FSHR: variants seen among roughly 807,000 people sequenced by gnomAD.
FSHR encodes the protein follicle-stimulating hormone receptor.
In FSHR, 46 loss-of-function variants were observed where a neutral mutation model predicts 52.1. That is an observed-to-expected ratio of 0.88 (90% CI 0.70 to 1.13). FSHR has a LOEUF of 1.13. FSHR is among the 50% of genes most tolerant of loss of function. The probability of loss-of-function intolerance (pLI) is 0.00; values close to 1 mark genes in which losing one functional copy is unlikely to be tolerated. For synonymous variants in FSHR, 399 were observed against 309.6 expected, an observed-to-expected ratio of 1.29 and a Z score of -3.03; for missense variants, 964 against 834.6, an observed-to-expected ratio of 1.16 and a Z score of -1.91.
intron 2 of FSHR, among the ~76,000 whole-genome samples, chr2:49,067,036 G>A (rs1161746902): frequency 6.6e-6 from 1 of 152,024 alleles, no homozygotes. Context: ...AGGTAAACCC[G>A]GAAGATTACA....
At chr2:49,081,605 T>C (rs773892262) in intron 1 of FSHR, among the ~76,000 whole-genome samples, 16 of 152,156 alleles carry the variant, frequency 1.1e-4, no homozygotes, top group Non-Finnish European at 2.4e-4. Flanking sequence ...TACCTCCCCA[T>C]AAAGTGCCTG....
At chr2:49,124,454 G>C (rs1215051050) in intron 1 of FSHR, among the ~76,000 whole-genome samples, 1 of 152,098 alleles carries the variant, frequency 6.6e-6, no homozygotes, top group Non-Finnish European at 1.5e-5. Context: ...AAAGTATAAA[G>C]AGCTGTCTTT....
At chr2:49,087,075 T>G (rs1056034849) in intron 1 of FSHR, among the ~76,000 whole-genome samples, 2 of 134,772 alleles carry the variant, frequency 1.5e-5, no homozygotes, top group Non-Finnish European at 3.1e-5. Flanking sequence ...GCAGGGTTTT[T>G]TTTTTTTTTT....
At chr2:49,073,674 T>C (rs1669837974) in intron 1 of FSHR, among the ~76,000 whole-genome samples, 1 of 152,032 alleles carries the variant, frequency 6.6e-6, no homozygotes, top group Non-Finnish European at 1.5e-5. Flanking sequence ...ATGACATTCT[T>C]TATAGAAATA....
intron 8 of FSHR, among the ~76,000 whole-genome samples, chr2:48,982,304 G>C (rs1346777264): frequency 6.6e-6 from 1 of 152,150 alleles, no homozygotes; most frequent in Non-Finnish European, 1.5e-5. Flanking sequence ...TGGAAGTAAG[G>C]AAATGACAAG....
chr2:49,085,217 G>C (rs199705922), intron 1 of FSHR, among the ~76,000 whole-genome samples: 4,310 of 93,968 alleles, frequency 0.046, no homozygotes, highest in Non-Finnish European at 0.054. Context: ...ATGTAATCCA[G>C]CATATAAACA....
chr2:49,041,111 C>T (rs1668465103), intron 2 of FSHR, among the ~76,000 whole-genome samples: 2 of 152,276 alleles, frequency 1.3e-5, no homozygotes, highest in South Asian at 4.1e-4. Flanking sequence ...AGAAACAGAA[C>T]ACTTAGGGAG....
At chr2:49,086,654 T>G (rs13415815) in intron 1 of FSHR, among the ~76,000 whole-genome samples, 11 of 152,176 alleles carry the variant, frequency 7.2e-5, no homozygotes, top group Non-Finnish European at 1.5e-4. Flanking sequence ...TTAATTTGTG[T>G]TTTTGAGATG....
intron 2 of FSHR, among the ~76,000 whole-genome samples, chr2:49,038,624 C>CAAAAAAAAAAA (rs71401003): frequency 1.5e-5 from 1 of 65,444 alleles, no homozygotes; most frequent in African/African-American, 5.9e-5. Flanking sequence ...GACTCTGTCT[C>CAAAAAAAAAAA]AAAATAATAA....
At chr2:49,148,871 G>T (rs1221811064) in intron 1 of FSHR, among the ~76,000 whole-genome samples, 1 of 152,022 alleles carries the variant, frequency 6.6e-6, no homozygotes, top group Non-Finnish European at 1.5e-5. Flanking sequence ...AAGTCAGAAA[G>T]ATGAGCTATT....
intron 1 of FSHR, among the ~76,000 whole-genome samples, chr2:49,080,857 AG>A (rs1670140481): frequency 6.6e-6 from 1 of 152,074 alleles, no homozygotes; most frequent in African/African-American, 2.4e-5. Flanking sequence ...TCTCCTTTAC[AG>A]GGTTCTTAAC....
chr2:49,144,437 A>C (rs1013704952), intron 1 of FSHR, among the ~76,000 whole-genome samples: 4 of 152,138 alleles, frequency 2.6e-5, no homozygotes, highest in Non-Finnish European at 5.9e-5. Flanking sequence ...ATGAGATGCC[A>C]TTCAAAGACT....
chr2:49,100,386 TG>T (rs1434131617), intron 1 of FSHR, among the ~76,000 whole-genome samples: 1 of 152,196 alleles, frequency 6.6e-6, no homozygotes, highest in African/African-American at 2.4e-5. Flanking sequence ...CTTTCTCCTT[TG>T]ATTTCTTCAA....
chr2:49,005,387 A>AT (rs1219258167), intron 4 of FSHR, among the ~76,000 whole-genome samples: 2 of 152,290 alleles, frequency 1.3e-5, no homozygotes, highest in African/African-American at 2.4e-5. Flanking sequence ...CAGATTACTG[A>AT]TAAAAAAAGC....
intron 1 of FSHR, among the ~76,000 whole-genome samples, chr2:49,126,109 G>T (rs1671986922): frequency 1.3e-5 from 2 of 152,238 alleles, no homozygotes; most frequent in Admixed American, 6.5e-5. Context: ...GGAATGGTAA[G>T]TTGGGAAGGT....
chr2:49,021,639 A>AG (rs538295443), intron 2 of FSHR, among the ~76,000 whole-genome samples: 2 of 151,778 alleles, frequency 1.3e-5, no homozygotes, highest in African/African-American at 4.8e-5. Flanking sequence ...ATCTGTGACC[A>AG]GGGGGCTGGT....
chr2:49,016,725 G>GCGGT (rs1463588915), intron 4 of FSHR, among the ~76,000 whole-genome samples: 1 of 152,214 alleles, frequency 6.6e-6, no homozygotes, highest in African/African-American at 2.4e-5. Flanking sequence ...TCTTTGTGTA[G>GCGGT]TGGTTGGTTG....
intron 1 of FSHR, among the ~76,000 whole-genome samples, chr2:49,128,072 G>A (rs1672129803): frequency 6.6e-6 from 1 of 151,208 alleles, no homozygotes; most frequent in Admixed American, 6.6e-5. Context: ...AGTAGAGATG[G>A]GGTTTCACCA....
At chr2:48,978,717 T>G (rs1675104646) in intron 8 of FSHR, among the ~76,000 whole-genome samples, 1 of 152,224 alleles carries the variant, frequency 6.6e-6, no homozygotes, top group Non-Finnish European at 1.5e-5. Context: ...ATGAGGATGC[T>G]GAGCTGCTCC....
Sources: allele counts gnomAD v4.1 joint callset (sites outside exome capture counted in the v4.1 genomes callset), GRCh38; gene constraint gnomAD v4.1.1; transcripts MANE v1.5; gene names NCBI Gene and HGNC (gene_info 2026-07-23, HGNC 2026-07-21).